AGBL1: variants seen among roughly 807,000 people sequenced by gnomAD.
The protein encoded by AGBL1 is AGBL carboxypeptidase 1.
AGBL1 carries 130 observed loss-of-function variants against 118.9 expected under a neutral mutation model. The ratio of observed to expected loss-of-function variants is 1.09; its 90% confidence interval spans 0.95 to 1.26. The LOEUF (loss-of-function observed/expected upper bound fraction) is 1.26. Among genes scored for constraint, AGBL1 ranks in the 50% most tolerant of loss-of-function variants. The pLI, the probability that AGBL1 is intolerant of heterozygous loss-of-function variation, is 0.00. For missense variants in AGBL1, 1,584 were observed against 1,298.1 expected (o/e 1.22, Z -3.38); for synonymous variants, 555 against 478.9 (o/e 1.16, Z -2.08).
At chr15:86,684,709 G>T (rs2142579111) in intron 22 of AGBL1, among the ~76,000 whole-genome samples, 1 of 152,240 alleles carries the variant, frequency 6.6e-6, no homozygotes, top group Middle Eastern at 3.4e-3. Context: ...CAAGCTCTGT[G>T]AATCTATGGC....
At chr15:86,254,214 C>T (rs1398711717) in intron 7 of AGBL1, among the ~76,000 whole-genome samples, 1 of 152,220 alleles carries the variant, frequency 6.6e-6, no homozygotes, top group Non-Finnish European at 1.5e-5. Context: ...ACTAAGGATG[C>T]CTTCTCTCTT....
intron 22 of AGBL1, among the ~76,000 whole-genome samples, chr15:86,718,652 A>G (rs1458798795): frequency 6.6e-6 from 1 of 152,208 alleles, no homozygotes; most frequent in Non-Finnish European, 1.5e-5. Flanking sequence ...GCATCCGATG[A>G]GAAAGAATTT....
chr15:86,986,569 A>C (rs1269527042), intron 23 of AGBL1, among the ~76,000 whole-genome samples: 2 of 151,816 alleles, frequency 1.3e-5, no homozygotes, highest in African/African-American at 4.8e-5. Context: ...AGGAGGAGGA[A>C]AAAGGGGAGG....
rs564049934 is a variant in AGBL1, at chr15:86,942,907, G to A, written c.3222-45080G>A. ...CAGTAACAACTGCCTTTTAAATTTT[G>A]TATTATTTCCTTCTAACACTGCAGG... On this transcript the variant is annotated intron_variant, in intron 23 of 24. Transcript: ENST00000441037. Among the ~76,000 whole-genome samples the A allele has an allele frequency of 1.2e-4, 18 of 152,188 alleles. No individual in the cohort carries two copies. In the South Asian group the frequency reaches 3.5e-3, roughly 30 times the overall value.
chr15:86,361,934 A>G (rs1596016070), intron 17 of AGBL1, among the ~76,000 whole-genome samples: 1 of 152,170 alleles, frequency 6.6e-6, no homozygotes, highest in East Asian at 1.9e-4. Flanking sequence ...AATTTAATCC[A>G]TTTACATTTT....
chr15:86,593,637 C>T (rs2084368167), intron 21 of AGBL1, among the ~76,000 whole-genome samples: 1 of 152,092 alleles, frequency 6.6e-6, no homozygotes, highest in African/African-American at 2.4e-5. Flanking sequence ...GTAAAATTCA[C>T]CCACTTTACA....
chr15:86,220,624 A>T (rs2078265813), intron 5 of AGBL1, among the ~76,000 whole-genome samples: 1 of 152,178 alleles, frequency 6.6e-6, no homozygotes, highest in African/African-American at 2.4e-5. Flanking sequence ...GTGAACTGTG[A>T]CCTCTAGAAT....
intron 18 of AGBL1, among the ~76,000 whole-genome samples, chr15:86,467,966 G>C (rs1295321817): frequency 2.0e-5 from 3 of 152,020 alleles, no homozygotes; most frequent in Non-Finnish European, 2.9e-5. Flanking sequence ...ATTTCTGCTT[G>C]TTTATTTCAC....
At chr15:86,565,571 A>G (rs1253081694) in intron 21 of AGBL1, among the ~76,000 whole-genome samples, 1 of 152,204 alleles carries the variant, frequency 6.6e-6, no homozygotes, top group Non-Finnish European at 1.5e-5. Flanking sequence ...TAGGCTACTC[A>G]GGGGTCAAGG....
chr15:86,954,507 G>A (rs1037460249), intron 23 of AGBL1, among the ~76,000 whole-genome samples: 3 of 152,150 alleles, frequency 2.0e-5, no homozygotes, highest in African/African-American at 7.2e-5. Flanking sequence ...CAGCAGCATA[G>A]ATGCAACTGG....
chr15:86,870,454 C>CGAAAAAAAAAAAAAAAAAAAAAAA (rs2079705648), intron 22 of AGBL1, among the ~76,000 whole-genome samples: 1 of 64,130 alleles, frequency 1.6e-5, no homozygotes, highest in Non-Finnish European at 2.8e-5. Flanking sequence ...AAGCATACTG[C>CGAAAAAAAAAAAAAAAAAAAAAAA]AAAAAAAAAA....
At chr15:86,131,813 G>T (rs984433635) in intron 1 of AGBL1, among the ~76,000 whole-genome samples, 5 of 151,992 alleles carry the variant, frequency 3.3e-5, no homozygotes, top group Non-Finnish European at 4.4e-5. Flanking sequence ...AGCAAGGTGT[G>T]GTGGTGCACT....
intron 23 of AGBL1, among the ~76,000 whole-genome samples, chr15:86,950,995 T>C (rs2080875702): frequency 6.6e-6 from 1 of 152,182 alleles, no homozygotes; most frequent in Admixed American, 6.5e-5. Context: ...AGGCACTTAC[T>C]CTCAAGTTTG....
At chr15:86,674,190 G>A (rs1217995325) in intron 21 of AGBL1, 83 bp from the exon 22 acceptor site, 20 of 1,313,260 alleles carry the variant, frequency 1.5e-5, no homozygotes, top group Non-Finnish European at 2.1e-5. Flanking sequence ...CCTGTGTGTA[G>A]AAGTCCTTCT....
At chr15:86,637,540 T>C (rs1364485820) in intron 21 of AGBL1, among the ~76,000 whole-genome samples, 2 of 152,176 alleles carry the variant, frequency 1.3e-5, no homozygotes, top group Admixed American at 6.5e-5. Context: ...TTAATGATTC[T>C]GTGCTATGGG....
At chr15:86,435,080 T>A (rs2081985217) in intron 18 of AGBL1, among the ~76,000 whole-genome samples, 1 of 152,168 alleles carries the variant, frequency 6.6e-6, no homozygotes, top group African/African-American at 2.4e-5. Context: ...AAATACTGAA[T>A]GGACAACTCA....
At chr15:86,307,622 C>A (rs528041078) in intron 17 of AGBL1, among the ~76,000 whole-genome samples, 1 of 152,100 alleles carries the variant, frequency 6.6e-6, no homozygotes, top group South Asian at 2.1e-4. Flanking sequence ...CTTCTCTCAG[C>A]AGCATAGGGT....
chr15:86,894,149 G>A (rs1172158536), intron 22 of AGBL1, among the ~76,000 whole-genome samples: 2 of 152,100 alleles, frequency 1.3e-5, no homozygotes, highest in East Asian at 1.9e-4. Flanking sequence ...CAATTTTCAG[G>A]TGTTTTCTCC....
At chr15:86,759,032 A>C (rs566188037) in intron 22 of AGBL1, among the ~76,000 whole-genome samples, 76 of 151,882 alleles carry the variant, frequency 5.0e-4, no homozygotes, top group African/African-American at 1.8e-3. Context: ...GAGAGTAGAG[A>C]GCATGATTAT....
Sources: gnomAD v4.1 joint callset for allele counts (sites outside exome capture counted in the v4.1 genomes callset) on GRCh38, gnomAD v4.1.1 for gene constraint, MANE v1.5 for transcripts, NCBI Gene and HGNC (gene_info 2026-07-23, HGNC 2026-07-21) for gene names.